Variants in NKAIN3 observed in about 807,000 individuals in gnomAD.
NKAIN3 encodes sodium/potassium transporting ATPase interacting 3.
In NKAIN3, 25 loss-of-function variants were observed where a neutral mutation model predicts 30.2. The ratio of observed to expected loss-of-function variants is 0.83; its 90% CI spans 0.60 to 1.16. The LOEUF (loss-of-function observed/expected upper bound fraction) is 1.16. Among genes scored for constraint, NKAIN3 ranks in the 50% most tolerant of loss-of-function variants. The pLI is 0.00. For synonymous variants in NKAIN3, 91 were observed against 89.6 expected (o/e 1.02, Z -0.09); for missense variants, 225 against 254.1 (o/e 0.89, Z 0.78).
chr8:62,390,217 C>T (rs1338955785), intron 1 of NKAIN3, among the ~76,000 whole-genome samples: 7 of 152,020 alleles, frequency 4.6e-5, no homozygotes, highest in Non-Finnish European at 7.4e-5. Flanking sequence ...CTCCAATAGG[C>T]CCCAGTGTGT....
chr8:62,462,919 A>G (rs1806040792), intron 1 of NKAIN3, among the ~76,000 whole-genome samples: 1 of 152,132 alleles, frequency 6.6e-6, no homozygotes, highest in African/African-American at 2.4e-5. Flanking sequence ...CACTTCATAG[A>G]ATGAGTGAAC....
At chr8:62,577,898 G>A (rs151222935) in intron 1 of NKAIN3, among the ~76,000 whole-genome samples, 141 of 151,942 alleles carry the variant, frequency 9.3e-4, no homozygotes, top group Admixed American at 2.6e-3. Context: ...TCTCTTTTCC[G>A]CCACCGCTTG....
intron 4 of NKAIN3, among the ~76,000 whole-genome samples, chr8:62,888,119 G>A (rs1453326556): frequency 6.6e-6 from 1 of 152,086 alleles, no homozygotes; most frequent in African/African-American, 2.4e-5. Flanking sequence ...TTAGTTTTTT[G>A]CTCTCCCACT....
chr8:62,931,887 C>CAT (rs1822629016), intron 5 of NKAIN3, among the ~76,000 whole-genome samples: 1 of 152,136 alleles, frequency 6.6e-6, no homozygotes, highest in Non-Finnish European at 1.5e-5. Flanking sequence ...TTCTTTTAAT[C>CAT]ATATTACCTG....
intron 5 of NKAIN3, among the ~76,000 whole-genome samples, chr8:62,939,661 A>G (rs1822892533): frequency 6.6e-6 from 1 of 152,190 alleles, no homozygotes; most frequent in African/African-American, 2.4e-5. Context: ...ACCAAGCTTC[A>G]TAAATGAAAA....
chr8:62,916,253 C>T (rs912242738), intron 4 of NKAIN3, among the ~76,000 whole-genome samples: 2 of 152,078 alleles, frequency 1.3e-5, no homozygotes, highest in African/African-American at 4.8e-5. Context: ...TTGAAAACAA[C>T]TTTCAATAAT....
rs115214666 is a variant in NKAIN3, at chr8:62,722,468, T to C, written c.274-24464T>C. 4.2e-3 allele frequency among the ~76,000 whole-genome samples: 646 copies of C among 152,312 alleles called. 3 individuals carry two copies. Among genetic ancestry groups the C allele is most frequent in the African/African-American group, 0.015 (616 of 41,574 alleles). On this transcript the variant is annotated intron_variant, in intron 3 of 6. Coordinates refer to ENST00000623646, the MANE Select transcript of NKAIN3 (RefSeq NM_001304533.3). ...ATTAAATAGGAATACTACAAAATGATGTTCATGATTTAGATAAGTCCTTTG... is the reference window on the plus strand; with the variant it reads ...ATTAAATAGGAATACTACAAAATGACGTTCATGATTTAGATAAGTCCTTTG...
intron 3 of NKAIN3, among the ~76,000 whole-genome samples, chr8:62,735,850 TC>T (rs34111650): frequency 0.88 from 134,370 of 152,012 alleles, 59,532 homozygotes; most frequent in African/African-American, 0.91. Flanking sequence ...TGTGGTGCTC[TC>T]CCCCCTTTCC....
At chr8:62,418,177 T>C (rs1446683042) in intron 1 of NKAIN3, among the ~76,000 whole-genome samples, 2 of 152,132 alleles carry the variant, frequency 1.3e-5, no homozygotes, top group African/African-American at 4.8e-5. Context: ...AGTCTTGGAA[T>C]CACCCATAAG....
At chr8:62,327,648 AC>A (rs1456879419) in intron 1 of NKAIN3, among the ~76,000 whole-genome samples, 1 of 152,040 alleles carries the variant, frequency 6.6e-6, no homozygotes, top group African/African-American at 2.4e-5. Context: ...ATTGATCTTT[AC>A]ATCTGCTTTT....
intron 3 of NKAIN3, among the ~76,000 whole-genome samples, chr8:62,627,209 G>C (rs118019943): frequency 6.6e-6 from 1 of 152,078 alleles, no homozygotes; most frequent in Non-Finnish European, 1.5e-5. Context: ...TTCTATTTGA[G>C]AAATACAGGT....
intron 6 of NKAIN3, among the ~76,000 whole-genome samples, chr8:62,962,606 G>A (rs2043870566): frequency 6.6e-6 from 1 of 152,160 alleles, no homozygotes; most frequent in South Asian, 2.1e-4. Flanking sequence ...TTGTTGGCCT[G>A]TACCGCCTAG....
intron 1 of NKAIN3, among the ~76,000 whole-genome samples, chr8:62,478,564 G>T (rs981336872): frequency 3.3e-5 from 5 of 152,136 alleles, no homozygotes; most frequent in African/African-American, 1.2e-4. Context: ...AGAGTCTGCA[G>T]CATGAAGATA....
intron 5 of NKAIN3, among the ~76,000 whole-genome samples, chr8:62,921,404 A>T (rs1000666226): frequency 5.3e-5 from 8 of 152,202 alleles, no homozygotes; most frequent in Non-Finnish European, 1.2e-4. Context: ...AATTAATAAC[A>T]GCTACCACTT....
At chr8:62,413,621 C>G (rs1804335011) in intron 1 of NKAIN3, among the ~76,000 whole-genome samples, 1 of 152,106 alleles carries the variant, frequency 6.6e-6, no homozygotes, top group African/African-American at 2.4e-5. Context: ...ATTTAAATCT[C>G]TAAACACATT....
Position 62,248,992 on chromosome 8 carries a change from G to A in NKAIN3, c.-82G>A, listed in dbSNP as rs1258889121. On this transcript the variant is annotated 5_prime_UTR_variant, in exon 1 of 7. Transcript: ENST00000623646. ...GAGGAGCCTGGGCCGGGCCGGGCGG[G>A]GACTACTCCGGAGTCAGGAGGCAGC... 1.2e-5 allele frequency: 16 copies of A among 1,306,104 alleles called. 1 individual carries two copies. The highest frequency in any genetic ancestry group is 4.2e-5 in the Admixed American group (2 of 47,588). The allele number at this position is 1,306,104 out of a possible 1,614,324, so 80.9% of individuals were successfully genotyped here. A position where few individuals can be genotyped will look rare whatever the true frequency, so the allele number is the denominator to read the frequency against.
intron 4 of NKAIN3, among the ~76,000 whole-genome samples, chr8:62,797,262 C>T (rs1292484175): frequency 6.6e-6 from 1 of 152,134 alleles, no homozygotes. Flanking sequence ...CTCTTGTTCA[C>T]CCAAAGGTCA....
intron 1 of NKAIN3, among the ~76,000 whole-genome samples, chr8:62,256,582 C>A (rs886827905): frequency 6.6e-6 from 1 of 152,092 alleles, no homozygotes; most frequent in Non-Finnish European, 1.5e-5. Context: ...CTGAATAGGT[C>A]AGTCACTGAG....
chr8:62,836,893 G>A (rs889364123), intron 4 of NKAIN3, among the ~76,000 whole-genome samples: 1 of 152,112 alleles, frequency 6.6e-6, no homozygotes, highest in Non-Finnish European at 1.5e-5. Flanking sequence ...GAGTTGAGCA[G>A]AGTAAAACCT....
Sources: gnomAD v4.1 joint callset for allele counts (sites outside exome capture counted in the v4.1 genomes callset) on GRCh38, gnomAD v4.1.1 for gene constraint, MANE v1.5 for transcripts, NCBI Gene and HGNC (gene_info 2026-07-23, HGNC 2026-07-21) for gene names.